The following CLASP1 variants were observed in gnomAD, a reference collection of about 807,000 sequenced individuals.
CLASP1 encodes CLIP-associating protein 1.
CLASP1 carries 38 observed loss-of-function variants against 192.3 expected under a neutral mutation model. The ratio of observed to expected loss-of-function variants is 0.20; its 90% CI spans 0.15 to 0.26. The LOEUF is 0.26. Ranked by LOEUF, CLASP1 falls within the 10% of genes least tolerant of loss-of-function variation. The pLI, the probability that CLASP1 is intolerant of heterozygous loss-of-function variation, is 1.00. For missense variants in CLASP1, 1,433 were observed against 1,932.5 expected, an observed-to-expected ratio of 0.74 and a Z score of 4.85; for synonymous variants, 691 against 712.8, an observed-to-expected ratio of 0.97 and a Z score of 0.49.
At chr2:121,633,997 CAAA>C (rs558556369) in intron 1 of CLASP1, among the ~76,000 whole-genome samples, 1 of 93,042 alleles carries the variant, frequency 1.1e-5, no homozygotes. Context: ...GACTCCGTCT[CAAA>C]AAAAAAAAAA....
At chr2:121,508,970 A>G (rs139208173) in intron 7 of CLASP1, among the ~76,000 whole-genome samples, 31 of 152,346 alleles carry the variant, frequency 2.0e-4, no homozygotes, top group African/African-American at 5.3e-4. Context: ...GCACCTAAGA[A>G]CAGAGCCCAA....
At chr2:121,502,307 T>C (rs2093780741) in intron 8 of CLASP1, among the ~76,000 whole-genome samples, 1 of 152,140 alleles carries the variant, frequency 6.6e-6, no homozygotes, top group Non-Finnish European at 1.5e-5. Flanking sequence ...AAAGTAAAGG[T>C]CCTGCTCTCA....
intron 2 of CLASP1, among the ~76,000 whole-genome samples, chr2:121,574,782 CA>C (rs1368032294): frequency 3.3e-5 from 5 of 151,822 alleles, no homozygotes; most frequent in African/African-American, 9.7e-5. Flanking sequence ...ACTAGAAATA[CA>C]AAAACTAGCT....
rs200482614 is a variant in CLASP1 at position 121,492,674 on chromosome 2, T to TA, written c.712+10492dup. 7.5e-3 allele frequency among the ~76,000 whole-genome samples: 926 copies of TA among 123,820 alleles called. 4 individuals carry two copies. The highest frequency in any genetic ancestry group is 0.017 in the African/African-American group (635 of 37,136). 81.2% of individuals were successfully genotyped at this position (123,820 alleles called of 152,430 possible). ...CTAGGGTGACTACAATTAAAAAAAA[T>TA]AAAAAAAAAAAAAAACAAGCATTGC... On this transcript the variant is annotated intron_variant, in intron 8 of 39. Transcript: ENST00000263710.
exon 5 of CLASP1, chr2:121,527,832 C>A: frequency 1.2e-6 from 2 of 1,613,976 alleles, no homozygotes; most frequent in South Asian, 1.1e-5. Context: ...GAGACAGATG[C>A]CTTCTCGAGT....
At chr2:121,524,996 G>C (rs772743653) in intron 6 of CLASP1, among the ~76,000 whole-genome samples, 5 of 152,262 alleles carry the variant, frequency 3.3e-5, no homozygotes, top group Non-Finnish European at 7.4e-5. Flanking sequence ...GGGAGGTCGG[G>C]TAGAAGGCCA....
At chr2:121,557,448 G>C (rs530280195) in intron 2 of CLASP1, among the ~76,000 whole-genome samples, 3 of 150,588 alleles carry the variant, frequency 2.0e-5, no homozygotes, top group African/African-American at 7.2e-5. Flanking sequence ...GCTGGGCGTG[G>C]TGGCAGGTGC....
intron 1 of CLASP1, among the ~76,000 whole-genome samples, chr2:121,642,594 T>C (rs2072336007): frequency 6.6e-6 from 1 of 151,724 alleles, no homozygotes; most frequent in African/African-American, 2.4e-5. Context: ...GAGCCGGGCG[T>C]GGTGGCGCAC....
intron 14 of CLASP1, among the ~76,000 whole-genome samples, chr2:121,452,260 A>G (rs1167048265): frequency 6.6e-6 from 1 of 152,200 alleles, no homozygotes; most frequent in African/African-American, 2.4e-5. Flanking sequence ...GCTTTGCACA[A>G]AAAAAGTTAA....
chr2:121,561,958 A>C (rs575121312), intron 2 of CLASP1, among the ~76,000 whole-genome samples: 1 of 152,302 alleles, frequency 6.6e-6, no homozygotes, highest in African/African-American at 2.4e-5. Flanking sequence ...GAATCTGGCA[A>C]TTTACAAGAA....
chr2:121,462,635 A>G (rs1405581719), intron 9 of CLASP1, 30 bp from the exon 10 acceptor site: 5 of 1,330,086 alleles, frequency 3.8e-6, no homozygotes, highest in East Asian at 2.3e-5. Context: ...AAATGTAAAC[A>G]ATATGAAACA....
intron 1 of CLASP1, among the ~76,000 whole-genome samples, chr2:121,637,168 G>C (rs922177935): frequency 1.3e-5 from 2 of 152,020 alleles, no homozygotes; most frequent in African/African-American, 2.4e-5. Flanking sequence ...AGAAAGGAGG[G>C]GAATTCATAT....
chr2:121,571,904 G>C (rs1180810385), intron 2 of CLASP1, among the ~76,000 whole-genome samples: 1 of 152,038 alleles, frequency 6.6e-6, no homozygotes, highest in Non-Finnish European at 1.5e-5. Context: ...CAAGGCTTCG[G>C]AGCAGGGATG....
intron 11 of CLASP1, 150 bp downstream of exon 11, chr2:121,460,951 T>C (rs2087809266): frequency 1.7e-6 from 1 of 583,904 alleles, no homozygotes; most frequent in Non-Finnish European, 3.0e-6. Context: ...GGAGACACTC[T>C]ACTAAAAAGG....
intron 2 of CLASP1, chr2:121,531,032 ATCAGT>A: frequency 1.4e-5 from 10 of 699,900 alleles, no homozygotes; most frequent in South Asian, 1.0e-4. Flanking sequence ...TCATAGACTT[ATCAGT>A]TCAAACAGCA....
chr2:121,507,698 T>TA (rs1575542997), intron 7 of CLASP1, among the ~76,000 whole-genome samples: 1 of 152,092 alleles, frequency 6.6e-6, no homozygotes, highest in East Asian at 1.9e-4. Flanking sequence ...AGGATAAACT[T>TA]AAAGAGATCC....
chr2:121,613,840 G>T (rs1458226417), intron 1 of CLASP1, among the ~76,000 whole-genome samples: 1 of 152,156 alleles, frequency 6.6e-6, no homozygotes. Context: ...AAACAATAAT[G>T]AATTAATATT....
chr2:121,470,016 T>C (rs776902617), intron 8 of CLASP1, 56 bp from the exon 9 acceptor site: 50 of 1,277,116 alleles, frequency 3.9e-5, no homozygotes, highest in Non-Finnish European at 5.2e-5. Context: ...TATATATACA[T>C]ATATATATAC....
At chr2:121,357,434 A>C (rs996010187) in intron 37 of CLASP1, among the ~76,000 whole-genome samples, 2 of 152,156 alleles carry the variant, frequency 1.3e-5, no homozygotes, top group African/African-American at 4.8e-5. Flanking sequence ...CCCACCCAGC[A>C]TACAAGTGCT....
Sources: gnomAD v4.1 joint callset for allele counts (sites outside exome capture counted in the v4.1 genomes callset) on GRCh38, gnomAD v4.1.1 for gene constraint, MANE v1.5 for transcripts, NCBI Gene and HGNC (gene_info 2026-07-23, HGNC 2026-07-21) for gene names.